IGF1R: variants seen among roughly 807,000 people sequenced by gnomAD.
The protein encoded by IGF1R is insulin like growth factor 1 receptor.
IGF1R carries 44 observed loss-of-function variants against 144.6 expected under a neutral mutation model. The observed-to-expected ratio is 0.30, with a 90% CI of 0.24 to 0.39. The LOEUF (loss-of-function observed/expected upper bound fraction) is 0.39. Among genes scored for constraint, IGF1R ranks in the 10% least tolerant of loss-of-function variants. IGF1R has a pLI of 1.00. For missense variants in IGF1R, 1,355 were observed against 1,833.7 expected (o/e 0.74, Z 4.77); for synonymous variants, 795 against 722.8 (o/e 1.10, Z -1.60).
chr15:98,799,057 C>T (rs2056308006), intron 2 of IGF1R, among the ~76,000 whole-genome samples: 1 of 152,006 alleles, frequency 6.6e-6, no homozygotes, highest in African/African-American at 2.4e-5. Flanking sequence ...AGGGAAGGTA[C>T]CACAACTTTG....
intron 1 of IGF1R, among the ~76,000 whole-genome samples, chr15:98,680,033 TAA>T: frequency 6.6e-6 from 1 of 150,554 alleles, no homozygotes; most frequent in East Asian, 2.0e-4. Context: ...TTAAGAAAAA[TAA>T]AGTTTGTAAA....
rs777140551 is a variant in IGF1R at position 98,959,633 on chromosome 15, TC to T, written c.*2192del. ...AATCCAGGTCCTTGGGGCCCAGGGG[TC>T]TTGTCTTGTTTCATTTTTAGCACTT... is the stretch of plus-strand genomic sequence containing the variant. On this transcript the variant is annotated 3_prime_UTR_variant, in exon 21 of 21. Transcript: ENST00000650285. The T allele has an allele frequency of 4.3e-6, 1 of 233,530 alleles. No individual in the cohort carries two copies. Among genetic ancestry groups the T allele is most frequent in the Non-Finnish European group, 8.5e-6 (1 of 117,986 alleles). The allele number at this position is 233,530 out of a possible 1,614,324, so 14.5% of individuals were successfully genotyped here. A position where few individuals can be genotyped will look rare whatever the true frequency, so the allele number is the denominator to read the frequency against.
chr15:98,953,492 T>A (rs1460393324), intron 20 of IGF1R, among the ~76,000 whole-genome samples: 1 of 152,202 alleles, frequency 6.6e-6, no homozygotes, highest in Non-Finnish European at 1.5e-5. Context: ...TCTGGGTGCG[T>A]GCTGACCCTG....
chr15:98,687,333 G>A (rs571897015), intron 1 of IGF1R, among the ~76,000 whole-genome samples: 2 of 152,308 alleles, frequency 1.3e-5, no homozygotes, highest in East Asian at 3.9e-4. Context: ...TAAAGGCCTG[G>A]CCTAGAGAAG....
chr15:98,961,228 A>C lies in IGF1R; in HGVS notation c.*3786A>C, dbSNP rs553726938. The C allele has an allele frequency of 4.3e-6, 1 of 233,632 alleles. No individual in the cohort carries two copies. Among genetic ancestry groups the C allele is most frequent in the Admixed American group, 5.6e-5 (1 of 17,800 alleles). 14.5% of individuals were successfully genotyped at this position (233,632 alleles called of 1,614,324 possible). ...AATAACGGCCTCTCCTCTCGTGCAC[A>C]TACCTACCGGTTTCCACAACTGGAT... is the stretch of plus-strand genomic sequence containing the variant. On this transcript the variant is annotated 3_prime_UTR_variant, in exon 21 of 21. Transcript: ENST00000650285.
intron 3 of IGF1R, among the ~76,000 whole-genome samples, chr15:98,896,406 C>A (rs542841918): frequency 6.6e-6 from 1 of 152,176 alleles, no homozygotes; most frequent in East Asian, 1.9e-4. Flanking sequence ...TCCTCCAGAA[C>A]CCCCCAAGCT....
chr15:98,857,314 G>T (rs893583701), intron 2 of IGF1R, among the ~76,000 whole-genome samples: 3 of 152,144 alleles, frequency 2.0e-5, no homozygotes, highest in African/African-American at 7.2e-5. Flanking sequence ...CACCTCCCAG[G>T]TTCGAGCAAT....
At chr15:98,667,861 G>A (rs2052784392) in intron 1 of IGF1R, among the ~76,000 whole-genome samples, 1 of 152,014 alleles carries the variant, frequency 6.6e-6, no homozygotes, top group South Asian at 2.1e-4. Flanking sequence ...GCTTGTTTGT[G>A]TATGTGCTTG....
In IGF1R at chr15:98,957,323, C is replaced by G; in HGVS notation, c.3985C>G (p.Pro1329Ala). The G allele has an allele frequency of 6.2e-7, 1 of 1,612,478 alleles. No homozygotes were observed. Among genetic ancestry groups the G allele is most frequent in the East Asian group, 2.2e-5 (1 of 44,840 alleles). Residue 1329 changes from proline (P) to alanine (A), a missense_variant, in exon 21 of 21, where the codon CCC becomes GCC. Pro to Ala is a conservative substitution (Grantham distance 27, BLOSUM62 -1). This residue lies in a region of IGF1R where 219 missense variants were observed against 188.8 expected (regional missense o/e 1.16). Coordinates refer to ENST00000650285, the MANE Select transcript of IGF1R (RefSeq NM_000875.5). ...RHSGHKAENG[P>A]GPGVLVLRAS... ...CTCAGGACACAAGGCCGAGAACGGCCCCGGCCCTGGGGTGCTGGTCCTCCG... is the reference window on the plus strand; with the variant it reads ...CTCAGGACACAAGGCCGAGAACGGCGCCGGCCCTGGGGTGCTGGTCCTCCG...
chr15:98,943,308 T>G (rs1183724003), intron 19 of IGF1R, among the ~76,000 whole-genome samples: 1 of 152,226 alleles, frequency 6.6e-6, no homozygotes, highest in Non-Finnish European at 1.5e-5. Flanking sequence ...AGATACCGAT[T>G]ATGTTTCCAG....
chr15:98,861,976 T>C (rs755270612), intron 2 of IGF1R, among the ~76,000 whole-genome samples: 2 of 152,240 alleles, frequency 1.3e-5, no homozygotes, highest in Non-Finnish European at 2.9e-5. Context: ...CCAATGAGGA[T>C]CATTTCATTT....
At chr15:98,786,746 G>A (rs570308304) in intron 2 of IGF1R, among the ~76,000 whole-genome samples, 1 of 152,248 alleles carries the variant, frequency 6.6e-6, no homozygotes, top group South Asian at 2.1e-4. Flanking sequence ...GGAGGACATT[G>A]TGCTCTGGCC....
At chr15:98,903,288 T>A (rs2014573871) in intron 5 of IGF1R, among the ~76,000 whole-genome samples, 1 of 152,246 alleles carries the variant, frequency 6.6e-6, no homozygotes, top group Non-Finnish European at 1.5e-5. Context: ...TATTTGGTGC[T>A]ACCAAGGATT....
chr15:98,670,807 T>C (rs1347019961), intron 1 of IGF1R, among the ~76,000 whole-genome samples: 1 of 152,234 alleles, frequency 6.6e-6, no homozygotes, highest in Non-Finnish European at 1.5e-5. Context: ...TTCTTCTATT[T>C]TTTTTCTTTG....
intron 15 of IGF1R, 71 bp downstream of exon 15, chr15:98,930,376 A>G (rs1596463902): frequency 1.9e-6 from 2 of 1,063,590 alleles, no homozygotes; most frequent in East Asian, 2.5e-5. Context: ...GAGGGTTGCT[A>G]ATTTGGGAAA....
At chr15:98,665,290 C>G (rs1458037225) in intron 1 of IGF1R, among the ~76,000 whole-genome samples, 5 of 152,124 alleles carry the variant, frequency 3.3e-5, no homozygotes, top group Non-Finnish European at 5.9e-5. Context: ...GTTTGACAAG[C>G]GCTCCACTGG....
rs77983182 is a variant in IGF1R, at chr15:98,904,869, C to A, written c.1248-3816C>A. The stretch of plus-strand genomic sequence containing the variant: ...GACCTTCCTGTTCTGAGACTTTGTT[C>A]CAGGGGACTTTCACACTTCAGAGAA... On this transcript the variant is annotated intron_variant, in intron 5 of 20. Coordinates refer to ENST00000650285, the MANE Select transcript of IGF1R (RefSeq NM_000875.5). Among the ~76,000 whole-genome samples, 354 of 152,330 alleles carry A rather than the reference C, an allele frequency of 2.3e-3. 6 individuals are homozygous for A. The East Asian group carries it at 0.055, about 24-fold the overall frequency.
chr15:98,945,952 C>A (rs1300715301), intron 19 of IGF1R, among the ~76,000 whole-genome samples: 1 of 151,752 alleles, frequency 6.6e-6, no homozygotes, highest in Admixed American at 6.6e-5. Context: ...CCTCCTGTAT[C>A]GTTGCCTGTG....
Position 98,963,587 on chromosome 15 carries a change from T to C in IGF1R, c.*6145T>C. ...TGCCGTCATTGTCAGCACAGTGCCA[T>C]GGACATGGGAAGACTTGACTGCACA... On this transcript the variant is annotated 3_prime_UTR_variant, in exon 21 of 21. Coordinates refer to ENST00000650285, the MANE Select transcript of IGF1R (RefSeq NM_000875.5). 2 of 233,330 alleles carry C rather than the reference T, an allele frequency of 8.6e-6. No individual in the cohort carries two copies. Among genetic ancestry groups the C allele is most frequent in the Non-Finnish European group, 1.7e-5 (2 of 118,064 alleles). The allele number at this position is 233,330 out of a possible 1,614,324, so 14.5% of individuals were successfully genotyped here. A position where few individuals can be genotyped will look rare whatever the true frequency, so the allele number is the denominator to read the frequency against.
Sources: gnomAD v4.1 joint callset for allele counts (sites outside exome capture counted in the v4.1 genomes callset) on GRCh38, gnomAD v4.1.1 for gene constraint, gnomAD v4.1.1 regional missense constraint, MANE v1.5 for transcripts, NCBI Gene and HGNC (gene_info 2026-07-23, HGNC 2026-07-21) for gene names.